MALT1: variants seen among roughly 807,000 people sequenced by gnomAD.
MALT1 encodes mucosa-associated lymphoid tissue lymphoma translocation protein 1.
MALT1 carries 36 observed loss-of-function variants against 85.5 expected under a neutral mutation model. The observed-to-expected ratio is 0.42, with a 90% CI of 0.32 to 0.56. The LOEUF is 0.56. Ranked by LOEUF, MALT1 falls within the 20% of genes least tolerant of loss-of-function variation. The pLI, the probability that MALT1 is intolerant of heterozygous loss-of-function variation, is 0.10. For synonymous variants in MALT1, 359 were observed against 361.3 expected (o/e 0.99, Z 0.07); for missense variants, 716 against 981.6 (o/e 0.73, Z 3.62).
intron 10 of MALT1, among the ~76,000 whole-genome samples, chr18:58,730,506 ATATTC>A (rs1408696705): frequency 6.6e-5 from 10 of 152,156 alleles, no homozygotes; most frequent in Non-Finnish European, 8.8e-5. Context: ...GGGCTAGATA[ATATTC>A]TATTATATGA....
intron 1 of MALT1, chr18:58,672,545 A>G (rs775838082): frequency 6.6e-6 from 1 of 152,228 alleles, no homozygotes; most frequent in Non-Finnish European, 1.5e-5. Flanking sequence ...GAGAGCTCTT[A>G]TGTGGGTTAG....
chr18:58,680,911 C>T (rs917751214), intron 1 of MALT1, among the ~76,000 whole-genome samples: 2 of 111,902 alleles, frequency 1.8e-5, no homozygotes, highest in Non-Finnish European at 3.3e-5. Context: ...GCCTGGGCGA[C>T]AGAGCGAGAC....
At position 58,696,402 on chromosome 18, in the gene MALT1, T is replaced by C. The variant is rs1232483531; in HGVS notation, c.413T>C (p.Val138Ala). ...ACTGTAAACCCAGAGTCAAAGGCAGTCTTGGCTGGACAGTTTGTGAAACTG... is the reference window on the plus strand; with the variant it reads ...ACTGTAAACCCAGAGTCAAAGGCAGCCTTGGCTGGACAGTTTGTGAAACTG... ...KITVNPESKA[V>A]LAGQFVKLCC... Residue 138 changes from valine (V) to alanine (A), a missense_variant, in exon 3 of 17, where the codon GTC (valine) becomes GCC (alanine). Physicochemically the swap from Val to Ala is moderately conservative, Grantham distance 64. This residue lies in a region of MALT1 where 290 missense variants were observed against 380.5 expected (regional missense o/e 0.76). Coordinates refer to ENST00000649217, the MANE Select transcript of MALT1 (RefSeq NM_006785.4). 1 of 1,573,750 alleles carries C rather than the reference T, an allele frequency of 6.4e-7. No homozygotes were observed. The highest frequency in any genetic ancestry group is 1.8e-5 in the Admixed American group (1 of 56,024).
chr18:58,730,558 T>G (rs2055134379), intron 10 of MALT1, among the ~76,000 whole-genome samples: 1 of 152,208 alleles, frequency 6.6e-6, no homozygotes, highest in South Asian at 2.1e-4. Context: ...CTCATGGACA[T>G]TTTTGGACAT....
intron 12 of MALT1, among the ~76,000 whole-genome samples, chr18:58,734,819 T>C (rs1034001566): frequency 2.6e-5 from 4 of 152,234 alleles, no homozygotes; most frequent in African/African-American, 4.8e-5. Flanking sequence ...TGAAGCTTAT[T>C]GGTGTATACA....
intron 2 of MALT1, chr18:58,692,172 T>A (rs1030403622): frequency 6.6e-6 from 1 of 152,198 alleles, no homozygotes; most frequent in Non-Finnish European, 1.5e-5. Context: ...CAAGGACCAT[T>A]CTGAGGCCCG....
intron 7 of MALT1, among the ~76,000 whole-genome samples, chr18:58,713,028 A>G (rs1051094809): frequency 6.6e-6 from 1 of 152,140 alleles, no homozygotes; most frequent in African/African-American, 2.4e-5. Context: ...CTCACTGAAG[A>G]GGGGTGAAAG....
intron 13 of MALT1, among the ~76,000 whole-genome samples, chr18:58,738,717 C>T (rs552131587): frequency 1.3e-5 from 2 of 152,186 alleles, no homozygotes; most frequent in South Asian, 4.1e-4. Context: ...TGATATTGAA[C>T]ATTGTTCATA....
chr18:58,747,652 A>T lies in MALT1; in HGVS notation c.2285A>T (p.His762Leu). Residue 762 changes from histidine to leucine, a missense_variant, in exon 17 of 17, where the codon CAT (histidine) becomes CTT (leucine). This residue lies in a region of MALT1 where 260 missense variants were observed against 323.7 expected (regional missense o/e 0.80). Transcript: ENST00000649217. ...CAAGACCCATTCCATGGTGTTTACC[A>T]TTCACATCCTGGTAATCCAAGTAAT... ...SLQDPFHGVY[H>L]SHPGNPSNVT... 6.2e-7 allele frequency: 1 copy of T among 1,614,212 alleles called. No homozygotes were observed. Among genetic ancestry groups the T allele is most frequent in the Admixed American group, 1.7e-5 (1 of 60,026 alleles).
At chr18:58,709,628 TG>T (rs2054804685) in intron 5 of MALT1, 72 bp downstream of exon 5, 2 of 1,259,864 alleles carry the variant, frequency 1.6e-6, no homozygotes, top group East Asian at 5.0e-5. Flanking sequence ...AAATATAAGG[TG>T]AACATTAAAA....
intron 12 of MALT1, 111 bp from the exon 13 acceptor site, chr18:58,735,091 C>A: frequency 1.1e-6 from 1 of 901,736 alleles, no homozygotes; most frequent in Non-Finnish European, 1.7e-6. Context: ...TGGTAACCAC[C>A]ATTCTGCTGG....
At chr18:58,691,651 G>A (rs973261817) in intron 2 of MALT1, 14 of 158,832 alleles carry the variant, frequency 8.8e-5, no homozygotes, top group Admixed American at 3.3e-4. Context: ...GGTGGATCAC[G>A]AGGTCAGGAG....
intron 2 of MALT1, chr18:58,692,086 G>C (rs907233315): frequency 2.6e-5 from 4 of 150,988 alleles, no homozygotes; most frequent in African/African-American, 9.8e-5. Context: ...GTTGTGGAAT[G>C]CGTTGGGCTG....
At chr18:58,672,908 A>C (rs1420277871) in intron 1 of MALT1, 1 of 152,218 alleles carries the variant, frequency 6.6e-6, no homozygotes, top group Non-Finnish European at 1.5e-5. Context: ...ATTGTTATGA[A>C]AAATCTTTAT....
Position 58,698,067 on chromosome 18 carries a change from G to GTTTTTTTTTTTTTT in MALT1, c.498+1587_498+1588insTTTTTTTTTTTTTT, listed in dbSNP as rs796905674. ...GTTGTTGTTGTTGTTGTTTTGTTTT[G>GTTTTTTTTTTTTTT]TTTTTTTGTTTTTTTTTTGAGATGG... On this transcript the variant is annotated intron_variant, in intron 3 of 16. Coordinates refer to ENST00000649217, the MANE Select transcript of MALT1 (RefSeq NM_006785.4). 2.7e-5 allele frequency among the ~76,000 whole-genome samples: 2 copies of GTTTTTTTTTTTTTT among 74,962 alleles called. 1 individual carries two copies. The allele number at this position is 74,962 out of a possible 152,430, so 49.2% of individuals were successfully genotyped here.
At chr18:58,719,138 C>T (rs1007871098) in intron 9 of MALT1, among the ~76,000 whole-genome samples, 12 of 152,132 alleles carry the variant, frequency 7.9e-5, no homozygotes, top group African/African-American at 2.9e-4. Context: ...TATTATCTCT[C>T]ATTGTTCTGT....
At chr18:58,738,367 G>GT (rs1568153864) in intron 13 of MALT1, among the ~76,000 whole-genome samples, 2 of 152,066 alleles carry the variant, frequency 1.3e-5, no homozygotes, top group Admixed American at 1.3e-4. Flanking sequence ...ACATACTACA[G>GT]TTTTTTTCAA....
At chr18:58,734,847 G>A (rs572102557) in intron 12 of MALT1, among the ~76,000 whole-genome samples, 4 of 152,138 alleles carry the variant, frequency 2.6e-5, no homozygotes, top group Non-Finnish European at 4.4e-5. Flanking sequence ...CATGTGGCAA[G>A]TGTTTGCTTT....
At chr18:58,700,365 C>T (rs1010421603) in intron 3 of MALT1, 76 bp from the exon 4 acceptor site, 1 of 1,166,036 alleles carries the variant, frequency 8.6e-7, no homozygotes, top group South Asian at 1.9e-5. Flanking sequence ...ATACTGAAAT[C>T]ATAGATTTTG....
Sources: gnomAD v4.1 joint callset for allele counts (sites outside exome capture counted in the v4.1 genomes callset) on GRCh38, gnomAD v4.1.1 for gene constraint, gnomAD v4.1.1 regional missense constraint, MANE v1.5 for transcripts, NCBI Gene and HGNC (gene_info 2026-07-23, HGNC 2026-07-21) for gene names.